Variants in CREB3L3 observed in about 807,000 individuals in gnomAD.
CREB3L3 encodes the protein cAMP responsive element binding protein 3 like 3.
Under a neutral mutation model 44.6 loss-of-function variants are expected in CREB3L3, and 40 were observed. That is an observed-to-expected ratio of 0.90 (90% confidence interval 0.70 to 1.17). The LOEUF (loss-of-function observed/expected upper bound fraction) is 1.17. Among genes scored for constraint, CREB3L3 ranks in the 50% most tolerant of loss-of-function variants. The pLI is 0.00. For synonymous variants in CREB3L3, 273 were observed against 256.3 expected, an observed-to-expected ratio of 1.06 and a Z score of -0.62; for missense variants, 578 against 595.8, an observed-to-expected ratio of 0.97 and a Z score of 0.31.
chr19:4,162,292 C>A (rs1216877160), intron 4 of CREB3L3, among the ~76,000 whole-genome samples: 1 of 152,060 alleles, frequency 6.6e-6, no homozygotes, highest in African/African-American at 2.4e-5. Flanking sequence ...AGGCATGAGC[C>A]ACTGTGCCTG....
At chr19:4,159,406 C>G (rs2041629827) in intron 3 of CREB3L3, among the ~76,000 whole-genome samples, 1 of 110,896 alleles carries the variant, frequency 9.0e-6, no homozygotes, top group South Asian at 2.9e-4. Context: ...CTGCCTTGGC[C>G]TCCCAAAGTG....
At chr19:4,164,353 A>G in intron 4 of CREB3L3, 150 bp from the exon 5 acceptor site, 1 of 895,448 alleles carries the variant, frequency 1.1e-6, no homozygotes, top group South Asian at 1.3e-5. Flanking sequence ...AGTGATCCAC[A>G]TGCCTCAGCC....
intron 1 of CREB3L3, 137 bp downstream of exon 1, chr19:4,153,911 G>T: frequency 9.6e-7 from 1 of 1,042,850 alleles, no homozygotes; most frequent in South Asian, 1.4e-5. Context: ...AGGATGCAAT[G>T]AGCAAAACTG....
intron 5 of CREB3L3, among the ~76,000 whole-genome samples, chr19:4,165,915 A>C (rs1966895546): frequency 6.6e-6 from 1 of 151,986 alleles, no homozygotes; most frequent in Non-Finnish European, 1.5e-5. Flanking sequence ...AACATAAACA[A>C]AACAAAATCC....
chr19:4,164,908 C>T (rs1490544319), intron 5 of CREB3L3, among the ~76,000 whole-genome samples: 2 of 151,912 alleles, frequency 1.3e-5, no homozygotes, highest in African/African-American at 4.8e-5. Flanking sequence ...AGGGTTTCAC[C>T]ATGTTGGCCA....
At chr19:4,164,481 A>G (rs756096420) in intron 4 of CREB3L3, 22 bp from the exon 5 acceptor site, 100 of 1,613,596 alleles carry the variant, frequency 6.2e-5, no homozygotes, top group Non-Finnish European at 8.2e-5. Context: ...ACCCGCCGTC[A>G]TTCCTCTGAT....
At position 4,171,248 on chromosome 19, in the gene CREB3L3, A is replaced by G. The variant is rs1967039526; in HGVS notation, c.975+73A>G. 2.4e-5 allele frequency: 36 copies of G among 1,482,630 alleles called. No homozygotes were observed. The highest frequency in any genetic ancestry group is 3.3e-5 in the Non-Finnish European group (35 of 1,061,512). 91.8% of individuals were successfully genotyped at this position (1,482,630 alleles called of 1,614,324 possible). On this transcript the variant is annotated intron_variant, in intron 8 of 9. Transcript: ENST00000078445. The surrounding 1 kb of genome is among the most constrained non-coding windows in gnomAD (Gnocchi z 4.9). ...AGGGGCCCATAGGGAGGTGACAATGAGTCCAAGCTCTCCTTGTGCCCCAGC... is the reference window on the plus strand; with the variant it reads ...AGGGGCCCATAGGGAGGTGACAATGGGTCCAAGCTCTCCTTGTGCCCCAGC...
chr19:4,160,830 T>C (rs2041651174), intron 4 of CREB3L3, among the ~76,000 whole-genome samples: 1 of 150,880 alleles, frequency 6.6e-6, no homozygotes, highest in Non-Finnish European at 1.5e-5. Context: ...GCCTACCGGG[T>C]TCACACCATT....
chr19:4,159,802 C>A lies in CREB3L3; in HGVS notation c.576+20C>A, dbSNP rs2041635403. 2 of 1,057,064 alleles carry A rather than the reference C, an allele frequency of 1.9e-6. No homozygotes were observed. Among genetic ancestry groups the A allele is most frequent in the Non-Finnish European group, 3.0e-6 (2 of 671,226 alleles). The allele number at this position is 1,057,064 out of a possible 1,614,324, so 65.5% of individuals were successfully genotyped here. The stretch of plus-strand genomic sequence containing the variant: ...GACCTGGTGAGCACCCCCACACCCT[C>A]CCATGGGGCGTTGGAGCTGGGAGGG... On this transcript the variant is annotated intron_variant, in intron 4 of 9. Transcript: ENST00000078445.
chr19:4,171,337 G>T lies in CREB3L3; in HGVS notation c.976-46G>T. ...CCCTGCCTGTGGGATGGAGATGCTT[G>T]CAGGGGAGGGGAGGGAGGGGGTGAC... On this transcript the variant is annotated intron_variant, in intron 8 of 9. Transcript: ENST00000078445. This position sits in a 1 kb window ranked among gnomAD's most constrained non-coding sequence, Gnocchi z 4.9. The T allele has an allele frequency of 6.4e-7, 1 of 1,566,548 alleles. No individual in the cohort carries two copies.
chr19:4,166,882 C>G (rs1200283793), intron 5 of CREB3L3, among the ~76,000 whole-genome samples: 1 of 152,086 alleles, frequency 6.6e-6, no homozygotes, highest in African/African-American at 2.4e-5. Context: ...CCACACCCAG[C>G]TGATTTTGTG....
intron 2 of CREB3L3, among the ~76,000 whole-genome samples, chr19:4,155,425 C>T (rs894616222): frequency 6.7e-6 from 1 of 149,238 alleles, no homozygotes; most frequent in African/African-American, 2.5e-5. Context: ...GTGGTGCCAT[C>T]TCGGCTCACT....
chr19:4,172,197 C>A lies in CREB3L3; in HGVS notation c.*228C>A. On this transcript the variant is annotated 3_prime_UTR_variant, in exon 10 of 10. Transcript: ENST00000078445. Reference sequence around the variant, plus strand: ...AGGGCCACAGGACCCGGGAAATACACACAGAGCCAGGAGCAGAAGCAAAGA... The same window carrying A: ...AGGGCCACAGGACCCGGGAAATACAAACAGAGCCAGGAGCAGAAGCAAAGA... The A allele has an allele frequency of 1.7e-6, 1 of 603,338 alleles. No individual in the cohort carries two copies. Among genetic ancestry groups the A allele is most frequent in the Non-Finnish European group, 2.9e-6 (1 of 341,508 alleles). 37.4% of individuals were successfully genotyped at this position (603,338 alleles called of 1,614,324 possible). A position where few individuals can be genotyped will look rare whatever the true frequency, so the allele number is the denominator to read the frequency against.
In CREB3L3 at chr19:4,153,716, C is replaced by T. The variant is rs201675524; in HGVS notation, c.-32C>T. On this transcript the variant is annotated 5_prime_UTR_variant, in exon 1 of 10. Coordinates refer to ENST00000078445, the MANE Select transcript of CREB3L3 (RefSeq NM_032607.3). Reference sequence around the variant, plus strand: ...CCTCCAGCTTGGAGCAGAGACCCCCCGAGGCATCTGCAGACAGAACTGGAT... The same window carrying T: ...CCTCCAGCTTGGAGCAGAGACCCCCTGAGGCATCTGCAGACAGAACTGGAT... 6.8e-6 allele frequency: 11 copies of T among 1,613,692 alleles called. No individual in the cohort carries two copies. The highest frequency in any genetic ancestry group is 1.1e-5 in the South Asian group (1 of 91,042).
chr19:4,170,025 C>T, intron 6 of CREB3L3, 115 bp from the exon 7 acceptor site: 5 of 979,874 alleles, frequency 5.1e-6, no homozygotes, highest in Non-Finnish European at 6.6e-6. Flanking sequence ...GAATGACTTC[C>T]CCTCTCTGGC....
At position 4,153,683 on chromosome 19, in the gene CREB3L3, T is replaced by C; in HGVS notation, c.-65T>C. 1.9e-6 allele frequency: 3 copies of C among 1,599,446 alleles called. No individual in the cohort carries two copies. The highest frequency in any genetic ancestry group is 2.6e-6 in the Non-Finnish European group (3 of 1,168,278). On this transcript the variant is annotated 5_prime_UTR_variant, in exon 1 of 10. Coordinates refer to ENST00000078445, the MANE Select transcript of CREB3L3 (RefSeq NM_032607.3). ...GCCCGGCCCCAGGTAACGCTGGCGG[T>C]GGGTGGGCCTCCAGCTTGGAGCAGA...
At chr19:4,166,374 C>G (rs983381775) in intron 5 of CREB3L3, among the ~76,000 whole-genome samples, 1 of 151,460 alleles carries the variant, frequency 6.6e-6, no homozygotes, top group Non-Finnish European at 1.5e-5. Flanking sequence ...CCTGCCTCAG[C>G]CTCCTAAGTA....
intron 2 of CREB3L3, among the ~76,000 whole-genome samples, chr19:4,155,686 C>T (rs1043191980): frequency 6.6e-5 from 10 of 150,638 alleles, no homozygotes. Context: ...TTTTCTCTCT[C>T]TTTTTCTCTT....
chr19:4,171,653 C>T lies in CREB3L3; in HGVS notation c.1073-3C>T. On this transcript the variant is annotated splice_region_variant and splice_polypyrimidine_tract_variant and intron_variant, in intron 9 of 9. Coordinates refer to ENST00000078445, the MANE Select transcript of CREB3L3 (RefSeq NM_032607.3). This position sits in a 1 kb window ranked among gnomAD's most constrained non-coding sequence, Gnocchi z 4.9. ...CCCTGTGATGCCCCCCTTCCCCAAT[C>T]AGTGTTCTCCAGAACTTTGCACAAC... 6.2e-7 allele frequency: 1 copy of T among 1,613,354 alleles called. No homozygotes were observed. Among genetic ancestry groups the T allele is most frequent in the Non-Finnish European group, 8.5e-7 (1 of 1,179,960 alleles).
Sources: allele counts gnomAD v4.1 joint callset (sites outside exome capture counted in the v4.1 genomes callset), GRCh38; gene constraint gnomAD v4.1.1; non-coding constraint Gnocchi (gnomAD v3.1); transcripts MANE v1.5; gene names NCBI Gene and HGNC (gene_info 2026-07-23, HGNC 2026-07-21).